The following EFTUD2 variants were observed in gnomAD, a reference collection of about 807,000 sequenced individuals.
The protein encoded by EFTUD2 is 116 kDa U5 small nuclear ribonucleoprotein component.
A neutral mutation model predicts 114.3 loss-of-function variants in EFTUD2; 9 were observed. That is an observed-to-expected ratio of 0.08 (90% CI 0.05 to 0.14). The LOEUF (loss-of-function observed/expected upper bound fraction) is 0.14, where lower values mean the gene tolerates loss of function less well. Among genes scored for constraint, EFTUD2 ranks in the 10% least tolerant of loss-of-function variants. The pLI, the probability that EFTUD2 is intolerant of heterozygous loss-of-function variation, is 1.00. For synonymous variants in EFTUD2, 449 were observed against 462.3 expected, an observed-to-expected ratio of 0.97 and a Z score of 0.37; for missense variants, 765 against 1,241.2, an observed-to-expected ratio of 0.62 and a Z score of 5.76.
In EFTUD2 at chr17:44,855,017, G is replaced by C. The variant is rs1204075819; in HGVS notation, c.2046-13C>G. On this transcript the variant is annotated splice_polypyrimidine_tract_variant and intron_variant, in intron 20 of 27. Coordinates refer to ENST00000426333, the MANE Select transcript of EFTUD2 (RefSeq NM_004247.4). ...GGTGATCTTGTTCCTGGTCAGAATG[G>C]AAATGGGTGGTAAGGACGGCTAACA... is the stretch of plus-strand genomic sequence containing the variant. 3.7e-6 allele frequency: 6 copies of C among 1,611,210 alleles called. No homozygotes were observed. In the South Asian group the frequency reaches 6.6e-5, roughly 18 times the overall value.
At chr17:44,867,017 G>A (rs2050758165) in intron 13 of EFTUD2, among the ~76,000 whole-genome samples, 1 of 152,170 alleles carries the variant, frequency 6.6e-6, no homozygotes, top group Non-Finnish European at 1.5e-5. Flanking sequence ...TGAGGTGGGA[G>A]GATTGCTCAA....
At chr17:44,876,405 G>A (rs2050949768) in intron 9 of EFTUD2, among the ~76,000 whole-genome samples, 1 of 152,124 alleles carries the variant, frequency 6.6e-6, no homozygotes, top group Non-Finnish European at 1.5e-5. Flanking sequence ...ATGGAATTGG[G>A]GGTATTAGGA....
At chr17:44,860,294 C>A (rs963219665) in intron 17 of EFTUD2, 138 bp downstream of exon 17, 1 of 755,374 alleles carries the variant, frequency 1.3e-6, no homozygotes, top group South Asian at 1.7e-5. Context: ...CAGGGAGAAT[C>A]CAGCAGGGTC....
rs201356291 is a variant in EFTUD2, at chr17:44,867,256, TAGG to T, written c.1149+548_1149+550del. Among the ~76,000 whole-genome samples the T allele has an allele frequency of 6.3e-3, 962 of 152,124 alleles. 3 individuals carry two copies. The highest frequency in any genetic ancestry group is 0.011 in the Non-Finnish European group (718 of 67,994). Reference sequence around the variant, plus strand: ...TCAAGATCTGTTCATAAACCTGCTCTAGGAGAAGTCTTTTCTTTCATACCTTTT... The same window carrying T: ...TCAAGATCTGTTCATAAACCTGCTCTAGAAGTCTTTTCTTTCATACCTTTT... On this transcript the variant is annotated intron_variant, in intron 13 of 27. Transcript: ENST00000426333.
chr17:44,883,519 C>A, intron 5 of EFTUD2, 130 bp downstream of exon 5: 1 of 860,960 alleles, frequency 1.2e-6, no homozygotes, highest in Non-Finnish European at 1.9e-6. Flanking sequence ...TCGTAACAGG[C>A]ATGCAGCACC....
In EFTUD2 at chr17:44,851,158, C is replaced by T; in HGVS notation, c.*116G>A. ...GTTGGTGAGTTGTTCAAGATGGCAA[C>T]AGCAGCTTCCAGACACTCTCTGACA... is the stretch of plus-strand genomic sequence containing the variant. On this transcript the variant is annotated 3_prime_UTR_variant, in exon 28 of 28. Transcript: ENST00000426333. 1 of 836,904 alleles carries T rather than the reference C, an allele frequency of 1.2e-6. No homozygotes were observed. Among genetic ancestry groups the T allele is most frequent in the Non-Finnish European group, 2.0e-6 (1 of 498,700 alleles). 51.8% of individuals were successfully genotyped at this position (836,904 alleles called of 1,614,324 possible). A position where few individuals can be genotyped will look rare whatever the true frequency, so the allele number is the denominator to read the frequency against.
intron 14 of EFTUD2, among the ~76,000 whole-genome samples, chr17:44,864,480 G>A (rs2050710406): frequency 6.6e-6 from 1 of 152,154 alleles, no homozygotes; most frequent in South Asian, 2.1e-4. Flanking sequence ...TCATGGAATG[G>A]CCAGGGCAGG....
chr17:44,897,521 A>G (rs893124896), intron 1 of EFTUD2, among the ~76,000 whole-genome samples: 6 of 152,108 alleles, frequency 3.9e-5, no homozygotes, highest in Admixed American at 2.6e-4. Context: ...GGCCCCTCCA[A>G]CTGTTTTTGC....
At chr17:44,887,256 T>C (rs895049633) in intron 2 of EFTUD2, among the ~76,000 whole-genome samples, 1 of 152,208 alleles carries the variant, frequency 6.6e-6, no homozygotes, top group African/African-American at 2.4e-5. Context: ...GAAAATATTT[T>C]GGTAGTTCCT....
rs778170217 is a variant in EFTUD2, at chr17:44,852,392, C to T, written c.2715+17G>A. Reference sequence around the variant, plus strand: ...GAGGTGGGAAGCCAAGTCCGCCAGCCTGCATTGCTTTCTCACCTGCCAGTG... The same window carrying T: ...GAGGTGGGAAGCCAAGTCCGCCAGCTTGCATTGCTTTCTCACCTGCCAGTG... On this transcript the variant is annotated intron_variant, in intron 26 of 27. Coordinates refer to ENST00000426333, the MANE Select transcript of EFTUD2 (RefSeq NM_004247.4). The T allele has an allele frequency of 6.2e-7, 1 of 1,613,678 alleles. No homozygotes were observed. The highest frequency in any genetic ancestry group is 8.5e-7 in the Non-Finnish European group (1 of 1,179,950).
At chr17:44,886,317 G>A (rs1327873346) in intron 3 of EFTUD2, among the ~76,000 whole-genome samples, 2 of 152,172 alleles carry the variant, frequency 1.3e-5, no homozygotes, top group African/African-American at 4.8e-5. Flanking sequence ...AACATATCAG[G>A]CCACAGGGTA....
chr17:44,884,615 G>A (rs1479614441), intron 4 of EFTUD2, among the ~76,000 whole-genome samples: 2 of 152,004 alleles, frequency 1.3e-5, no homozygotes, highest in East Asian at 1.9e-4. Flanking sequence ...GTTGAGGGCC[G>A]GGCATGGTAG....
chr17:44,888,871 T>C (rs2051223934), intron 2 of EFTUD2, among the ~76,000 whole-genome samples: 1 of 152,102 alleles, frequency 6.6e-6, no homozygotes, highest in Non-Finnish European at 1.5e-5. Context: ...TGTAGGAAGG[T>C]GGACATACAA....
chr17:44,883,065 C>T (rs759723885), intron 6 of EFTUD2, 28 bp downstream of exon 6: 5 of 1,612,588 alleles, frequency 3.1e-6, no homozygotes, highest in East Asian at 4.5e-5. Flanking sequence ...ATGGTTCATC[C>T]TAAACCCTCA....
chr17:44,862,174 C>A (rs1847450081), intron 16 of EFTUD2, among the ~76,000 whole-genome samples: 1 of 152,204 alleles, frequency 6.6e-6, no homozygotes, highest in Admixed American at 6.5e-5. Flanking sequence ...GTGGCTCACA[C>A]CTGTAATCCA....
At chr17:44,889,574 C>A (rs1222688938) in intron 2 of EFTUD2, among the ~76,000 whole-genome samples, 3 of 152,176 alleles carry the variant, frequency 2.0e-5, no homozygotes, top group Non-Finnish European at 4.4e-5. Flanking sequence ...ATGAACAAAT[C>A]ATTCGTAAGA....
At position 44,864,979 on chromosome 17, in the gene EFTUD2, G is replaced by A. The variant is rs943395939; in HGVS notation, c.1236C>T (p.Ile412=). ...HLTKEELKLN[I]RPLLRLVCKK... ...TGCAGACCAGCCTGAGCAAGGGGCG[G>A]ATGTTCAGCTTCAGCTCCTCCTTCG... The change falls in exon 14 of 28, where the codon ATC becomes ATT. Residue 412 remains isoleucine, a synonymous_variant. Coordinates refer to ENST00000426333, the MANE Select transcript of EFTUD2 (RefSeq NM_004247.4). The A allele has an allele frequency of 3.7e-6, 6 of 1,614,202 alleles. No homozygotes were observed. Among genetic ancestry groups the A allele is most frequent in the Admixed American group, 1.7e-5 (1 of 60,014 alleles).
chr17:44,867,071 C>T (rs1261734638), intron 13 of EFTUD2, among the ~76,000 whole-genome samples: 1 of 152,188 alleles, frequency 6.6e-6, no homozygotes, highest in Non-Finnish European at 1.5e-5. Context: ...CGTGCTATTG[C>T]ACTCCCACCT....
chr17:44,889,455 G>C (rs959792639), intron 2 of EFTUD2, among the ~76,000 whole-genome samples: 2 of 152,180 alleles, frequency 1.3e-5, no homozygotes, highest in African/African-American at 4.8e-5. Flanking sequence ...ATGCTGATGG[G>C]GATGATCCTG....
Sources: gnomAD v4.1 joint callset for allele counts (sites outside exome capture counted in the v4.1 genomes callset) on GRCh38, gnomAD v4.1.1 for gene constraint, MANE v1.5 for transcripts, NCBI Gene and HGNC (gene_info 2026-07-23, HGNC 2026-07-21) for gene names.